Variants in KCNIP1 observed in about 807,000 individuals in gnomAD.
The protein encoded by KCNIP1 is A-type potassium channel modulatory protein KCNIP1.
A neutral mutation model predicts 33.0 loss-of-function variants in KCNIP1; 18 were observed. That is an observed-to-expected ratio of 0.55 (90% CI 0.38 to 0.81). KCNIP1 has a LOEUF of 0.81. KCNIP1 is among the 30% of genes least tolerant of loss of function. The probability of loss-of-function intolerance (pLI) is 0.00; values close to 1 mark genes in which losing one functional copy is unlikely to be tolerated. For synonymous variants in KCNIP1, 93 were observed against 98.3 expected (o/e 0.95, Z 0.32); for missense variants, 238 against 271.6 (o/e 0.88, Z 0.87).
chr5:170,422,572 T>G (rs1263115454), intron 1 of KCNIP1: 4 of 152,218 alleles, frequency 2.6e-5, no homozygotes, highest in Admixed American at 2.0e-4. Context: ...GTCTGGTTTA[T>G]CTGTTTCAGG....
intron 1 of KCNIP1, among the ~76,000 whole-genome samples, chr5:170,462,151 T>C (rs1158644309): frequency 6.7e-6 from 1 of 149,098 alleles, no homozygotes; most frequent in Admixed American, 6.8e-5. Context: ...CACAGCAAAA[T>C]GAACAGTCAG....
At chr5:170,486,934 T>A (rs1581235573) in intron 1 of KCNIP1, among the ~76,000 whole-genome samples, 1 of 152,208 alleles carries the variant, frequency 6.6e-6, no homozygotes, top group East Asian at 1.9e-4. Context: ...TAAGTTGAAG[T>A]ATAATTCATG....
chr5:170,376,141 T>C (rs1242920017), intron 1 of KCNIP1: 2 of 150,306 alleles, frequency 1.3e-5, no homozygotes, highest in African/African-American at 4.9e-5. Flanking sequence ...TGAGTATTCA[T>C]GACTTATTCT....
intron 1 of KCNIP1, among the ~76,000 whole-genome samples, chr5:170,357,132 T>TA (rs60983905): frequency 0.23 from 34,135 of 146,454 alleles, 3,948 homozygotes; most frequent in East Asian, 0.37. Context: ...TCTTTGGCAT[T>TA]AAAAAAAAAA....
chr5:170,525,751 C>T (rs990113080), intron 1 of KCNIP1, among the ~76,000 whole-genome samples: 5 of 152,170 alleles, frequency 3.3e-5, no homozygotes, highest in African/African-American at 1.2e-4. Flanking sequence ...TAAGGGTGGG[C>T]AGAGCCATGT....
At chr5:170,533,689 G>C (rs986501099) in intron 1 of KCNIP1, among the ~76,000 whole-genome samples, 1 of 152,226 alleles carries the variant, frequency 6.6e-6, no homozygotes, top group South Asian at 2.1e-4. Flanking sequence ...GCAGAAGGCT[G>C]CTGTGAACAC....
chr5:170,680,084 A>G (rs1356639068), intron 1 of KCNIP1, among the ~76,000 whole-genome samples: 2 of 152,166 alleles, frequency 1.3e-5, no homozygotes, highest in East Asian at 3.9e-4. Context: ...AAAATCTGAC[A>G]CCAATATGTG....
chr5:170,636,906 A>G (rs115601147), intron 1 of KCNIP1, among the ~76,000 whole-genome samples: 1 of 152,226 alleles, frequency 6.6e-6, no homozygotes, highest in South Asian at 2.1e-4. Context: ...AACCTCCTCA[A>G]GGTCATGGCT....
intron 1 of KCNIP1, among the ~76,000 whole-genome samples, chr5:170,587,143 C>T (rs536493639): frequency 2.6e-5 from 4 of 152,140 alleles, no homozygotes; most frequent in South Asian, 2.1e-4. Context: ...AAAAATGGGC[C>T]GGGTGCAGTG....
rs546087941 is a variant in KCNIP1, at chr5:170,424,110, T to C, written c.88+70146T>C. On this transcript the variant is annotated intron_variant, in intron 1 of 7. Transcript: ENST00000377360. ...ACTGCCGTCAAAGCAGCACTGGCTC[T>C]TTTTCTTCTGCTGCTGACATTTCCA... is the stretch of plus-strand genomic sequence containing the variant. Among the ~76,000 whole-genome samples the C allele has an allele frequency of 7.9e-5, 12 of 152,370 alleles. No individual in the cohort carries two copies. The South Asian group carries it at 1.0e-3, about 13-fold the overall frequency.
intron 1 of KCNIP1, among the ~76,000 whole-genome samples, chr5:170,662,036 C>T (rs1022964215): frequency 2.0e-5 from 3 of 152,196 alleles, no homozygotes; most frequent in Admixed American, 2.0e-4. Flanking sequence ...CAGGGGAGGA[C>T]ACCAATCCAC....
intron 1 of KCNIP1, among the ~76,000 whole-genome samples, chr5:170,648,816 T>C (rs892795287): frequency 5.9e-5 from 9 of 152,166 alleles, no homozygotes; most frequent in African/African-American, 2.2e-4. Context: ...ATCATCCTGG[T>C]GTGGGATGTT....
Position 170,680,836 on chromosome 5 carries a change from A to G in KCNIP1, c.62-37922A>G, listed in dbSNP as rs560848054. The stretch of plus-strand genomic sequence containing the variant: ...CCTTTGGAGAAATTGCCTTGGGAAA[A>G]GAGGAAATAAAAGCAAATATTACTA... On this transcript the variant is annotated intron_variant, in intron 1 of 7. Transcript: ENST00000328939. 13 of 359,386 alleles carry G rather than the reference A, an allele frequency of 3.6e-5. No homozygotes were observed. In the Middle Eastern group the frequency reaches 2.1e-3, roughly 59 times the overall value. The allele number at this position is 359,386 out of a possible 1,614,324, so 22.3% of individuals were successfully genotyped here.
chr5:170,524,638 T>G (rs1233620628), intron 1 of KCNIP1, among the ~76,000 whole-genome samples: 3 of 150,164 alleles, frequency 2.0e-5, no homozygotes, highest in South Asian at 2.1e-4. Context: ...TGTCCCAAGA[T>G]GGAAACACAA....
At chr5:170,624,296 T>G (rs1759728087) in intron 1 of KCNIP1, among the ~76,000 whole-genome samples, 1 of 152,066 alleles carries the variant, frequency 6.6e-6, no homozygotes, top group Admixed American at 6.5e-5. Context: ...AGCAGAGACC[T>G]TGAAAAAAGG....
rs1022639296 is a variant in KCNIP1 at position 170,504,361 on chromosome 5, G to T, written c.-212G>T. The stretch of plus-strand genomic sequence containing the variant: ...CGGTTCCGAAGGCTCGCGGGGAGCG[G>T]CTAGCCCTGAGTCCCTGCATGTGCG... On this transcript the variant is annotated 5_prime_UTR_variant, in exon 1 of 8. Coordinates refer to ENST00000328939, the MANE Select transcript of KCNIP1 (RefSeq NM_014592.4). The surrounding 1 kb of genome is among the most constrained non-coding windows in gnomAD (Gnocchi z 6.0). 3.5e-6 allele frequency: 5 copies of T among 1,414,060 alleles called. No individual in the cohort carries two copies. The highest frequency in any genetic ancestry group is 1.5e-5 in the African/African-American group (1 of 68,552). The allele number at this position is 1,414,060 out of a possible 1,614,324, so 87.6% of individuals were successfully genotyped here.
chr5:170,383,822 G>T (rs756490465), intron 1 of KCNIP1: 1 of 1,614,062 alleles, frequency 6.2e-7, no homozygotes, highest in South Asian at 1.1e-5. Context: ...GTCTCAATCA[G>T]GTGGCACTTG....
chr5:170,497,427 T>C (rs1181705280), intron 1 of KCNIP1, among the ~76,000 whole-genome samples: 1 of 152,188 alleles, frequency 6.6e-6, no homozygotes, highest in Non-Finnish European at 1.5e-5. Flanking sequence ...TACCATAACC[T>C]TTCCTCCTTA....
At chr5:170,563,631 TG>T (rs756955172) in intron 1 of KCNIP1, among the ~76,000 whole-genome samples, 78 of 86,468 alleles carry the variant, frequency 9.0e-4, no homozygotes, top group Non-Finnish European at 1.5e-3. Context: ...TAAGGTGTTT[TG>T]TTTTTTTTTT....
Sources: allele counts gnomAD v4.1 joint callset (sites outside exome capture counted in the v4.1 genomes callset), GRCh38; gene constraint gnomAD v4.1.1; non-coding constraint Gnocchi (gnomAD v3.1); transcripts MANE v1.5; gene names NCBI Gene and HGNC (gene_info 2026-07-23, HGNC 2026-07-21).